Variants in CDYL observed in about 807,000 individuals in gnomAD.
CDYL encodes chromodomain Y like.
In CDYL, 8 loss-of-function variants were observed where a neutral mutation model predicts 47.3. The ratio of observed to expected loss-of-function variants is 0.17; its 90% CI spans 0.10 to 0.31. The LOEUF is 0.31. Among genes scored for constraint, CDYL ranks in the 10% least tolerant of loss-of-function variants. The pLI is 1.00. For missense variants in CDYL, 471 were observed against 701.4 expected, an observed-to-expected ratio of 0.67 and a Z score of 3.71; for synonymous variants, 266 against 265.0, an observed-to-expected ratio of 1.00 and a Z score of -0.04.
intron 1 of CDYL, among the ~76,000 whole-genome samples, chr6:4,865,359 C>A (rs1214979625): frequency 1.3e-5 from 2 of 152,202 alleles, no homozygotes; most frequent in Non-Finnish European, 2.9e-5. Flanking sequence ...CCAACCCTAG[C>A]CAATAGGGGA....
At chr6:4,753,127 G>T (rs938443995) in intron 3 of CDYL, among the ~76,000 whole-genome samples, 1 of 152,072 alleles carries the variant, frequency 6.6e-6, no homozygotes, top group Admixed American at 6.6e-5. Context: ...GCTCGGGCTG[G>T]ACTCGAACTC....
chr6:4,782,734 G>A (rs941561144), intron 1 of CDYL, among the ~76,000 whole-genome samples: 14 of 152,138 alleles, frequency 9.2e-5, no homozygotes, highest in Non-Finnish European at 1.6e-4. Context: ...GAGGGATATA[G>A]GACCCAAAGC....
chr6:4,926,872 G>A (rs181174244), intron 2 of CDYL, among the ~76,000 whole-genome samples: 3 of 152,150 alleles, frequency 2.0e-5, no homozygotes, highest in Admixed American at 1.3e-4. Context: ...GGACACAAGC[G>A]TGGGAATCAG....
chr6:4,827,058 T>A (rs1168723384), intron 1 of CDYL, among the ~76,000 whole-genome samples: 6 of 152,238 alleles, frequency 3.9e-5, no homozygotes, highest in Non-Finnish European at 8.8e-5. Context: ...CACCATCTTT[T>A]GTGTCTTGTT....
chr6:4,838,698 T>G (rs1446979573), intron 1 of CDYL, among the ~76,000 whole-genome samples: 1 of 152,112 alleles, frequency 6.6e-6, no homozygotes, highest in Admixed American at 6.5e-5. Flanking sequence ...AGTTCCTTTT[T>G]TTTTTTGAGA....
intron 3 of CDYL, among the ~76,000 whole-genome samples, chr6:4,736,788 A>G (rs1757712101): frequency 6.6e-6 from 1 of 152,182 alleles, no homozygotes; most frequent in Non-Finnish European, 1.5e-5. Context: ...AGGAGTAAAC[A>G]TGAATCCTCT....
At chr6:4,933,056 G>A (rs1758077507) in intron 2 of CDYL, among the ~76,000 whole-genome samples, 1 of 152,126 alleles carries the variant, frequency 6.6e-6, no homozygotes, top group African/African-American at 2.4e-5. Context: ...CACTGCTGTG[G>A]CCTGCTCTCC....
chr6:4,943,174 A>C (rs2127524615), intron 4 of CDYL, among the ~76,000 whole-genome samples: 1 of 152,290 alleles, frequency 6.6e-6, no homozygotes, highest in East Asian at 1.9e-4. Context: ...TGTCTTGTGA[A>C]GCCCAGAATA....
At chr6:4,800,517 A>G (rs1281150287) in intron 1 of CDYL, among the ~76,000 whole-genome samples, 1 of 152,054 alleles carries the variant, frequency 6.6e-6, no homozygotes, top group African/African-American at 2.4e-5. Context: ...CATAATTACC[A>G]TTTCTGGCTG....
intron 2 of CDYL, among the ~76,000 whole-genome samples, chr6:4,897,995 T>G (rs1409008603): frequency 1.3e-5 from 2 of 151,546 alleles, no homozygotes; most frequent in Non-Finnish European, 2.9e-5. Context: ...AGGCAAGAGG[T>G]TGCTGTGAGC....
intron 1 of CDYL, among the ~76,000 whole-genome samples, chr6:4,807,767 C>G (rs527944124): frequency 6.6e-6 from 1 of 151,664 alleles, no homozygotes; most frequent in African/African-American, 2.4e-5. Flanking sequence ...CCACACCTGA[C>G]TAATTTTTAA....
At chr6:4,849,374 C>A (rs1324950266) in intron 1 of CDYL, among the ~76,000 whole-genome samples, 3 of 152,128 alleles carry the variant, frequency 2.0e-5, no homozygotes, top group Non-Finnish European at 4.4e-5. Context: ...TGAAAACATA[C>A]CTTAATGATT....
At chr6:4,918,051 TAATGA>T in intron 2 of CDYL, among the ~76,000 whole-genome samples, 1 of 152,218 alleles carries the variant, frequency 6.6e-6, no homozygotes, top group East Asian at 1.9e-4. Context: ...CACACACTGT[TAATGA>T]AATAGAGAAA....
chr6:4,891,674 T>A lies in CDYL; in HGVS notation c.25-39T>A. On this transcript the variant is annotated intron_variant, in intron 1 of 6. Transcript: ENST00000397588. ...AAACTTGCACTTTTCCCCCCAAATT[T>A]TGATTTTTTTAAAACTATTTTTTTC... is the stretch of plus-strand genomic sequence containing the variant. The A allele has an allele frequency of 2.0e-6, 3 of 1,520,234 alleles. No individual in the cohort carries two copies. In the South Asian group the frequency reaches 3.8e-5, roughly 19 times the overall value. 94.2% of individuals were successfully genotyped at this position (1,520,234 alleles called of 1,614,324 possible).
At chr6:4,943,903 CGTT>C in intron 5 of CDYL, 147 bp downstream of exon 5, 5 of 594,140 alleles carry the variant, frequency 8.4e-6, no homozygotes, top group South Asian at 5.0e-5. Flanking sequence ...GGTTCATAGA[CGTT>C]GTTGACCTTT....
At chr6:4,737,603 T>C (rs373358267) in intron 3 of CDYL, among the ~76,000 whole-genome samples, 1 of 150,844 alleles carries the variant, frequency 6.6e-6, no homozygotes, top group African/African-American at 2.4e-5. Context: ...GCCGTGATCA[T>C]GTTGCAAAAC....
intron 3 of CDYL, among the ~76,000 whole-genome samples, chr6:4,765,094 G>A (rs539177949): frequency 1.3e-5 from 2 of 152,158 alleles, no homozygotes; most frequent in Non-Finnish European, 2.9e-5. Context: ...AGGTCAAGGT[G>A]GGTGGATTAA....
At chr6:4,928,952 C>T (rs968258952) in intron 2 of CDYL, among the ~76,000 whole-genome samples, 2 of 152,182 alleles carry the variant, frequency 1.3e-5, no homozygotes, top group South Asian at 4.1e-4. Flanking sequence ...CAAGCAGTTA[C>T]TACTGTCTAC....
chr6:4,858,378 G>A (rs1761073084), intron 1 of CDYL, among the ~76,000 whole-genome samples: 2 of 152,156 alleles, frequency 1.3e-5, no homozygotes, highest in African/African-American at 4.8e-5. Flanking sequence ...CACAGTCCTG[G>A]CAGGTGTCAG....
Sources: gnomAD v4.1 joint callset for allele counts (sites outside exome capture counted in the v4.1 genomes callset) on GRCh38, gnomAD v4.1.1 for gene constraint, MANE v1.5 for transcripts, NCBI Gene and HGNC (gene_info 2026-07-23, HGNC 2026-07-21) for gene names.